Variants in MRE11 observed in about 807,000 individuals in gnomAD.
The protein encoded by MRE11 is MRE11 double strand break repair nuclease, also known as double-strand break repair protein MRE11.
Under a neutral mutation model 91.7 loss-of-function variants are expected in MRE11, and 62 were observed. The ratio of observed to expected loss-of-function variants is 0.68; its 90% CI spans 0.55 to 0.84. The LOEUF (loss-of-function observed/expected upper bound fraction) is 0.84. Ranked by LOEUF, MRE11 falls within the 40% of genes least tolerant of loss-of-function variation. MRE11 has a pLI of 0.00. For missense variants in MRE11, 796 were observed against 852.9 expected, an observed-to-expected ratio of 0.93 and a Z score of 0.83; for synonymous variants, 273 against 271.4, an observed-to-expected ratio of 1.01 and a Z score of -0.06.
At chr11:94,440,795 A>G (rs1945759622) in intron 16 of MRE11, among the ~76,000 whole-genome samples, 1 of 151,926 alleles carries the variant, frequency 6.6e-6, no homozygotes, top group South Asian at 2.1e-4. Flanking sequence ...CCTTTCCCCC[A>G]CTTTCTACTT....
intron 19 of MRE11, among the ~76,000 whole-genome samples, chr11:94,425,002 C>G (rs1014919116): frequency 1.3e-5 from 2 of 152,048 alleles, no homozygotes; most frequent in Admixed American, 6.6e-5. Flanking sequence ...ACAGAGAATT[C>G]CTATCAGACA....
intron 14 of MRE11, among the ~76,000 whole-genome samples, chr11:94,454,499 A>G (rs1946197842): frequency 6.6e-6 from 1 of 152,188 alleles, no homozygotes; most frequent in South Asian, 2.1e-4. Flanking sequence ...CAAAGCTGTG[A>G]ATTACAGCTT....
At chr11:94,445,710 C>A in intron 16 of MRE11, 100 bp downstream of exon 16, 1 of 900,048 alleles carries the variant, frequency 1.1e-6, no homozygotes, top group Non-Finnish European at 1.9e-6. Flanking sequence ...GCCCTTATAA[C>A]TTCCCAATGA....
chr11:94,491,539 T>C (rs1333371197), intron 2 of MRE11, among the ~76,000 whole-genome samples: 2 of 152,224 alleles, frequency 1.3e-5, no homozygotes, highest in African/African-American at 4.8e-5. Flanking sequence ...AGCAATGTAA[T>C]AGTTATTAAT....
Position 94,420,106 on chromosome 11 carries a change from C to G in MRE11, c.*19G>C, listed in dbSNP as rs2134732941. 6.5e-7 allele frequency: 1 copy of G among 1,536,370 alleles called. No homozygotes were observed. Among genetic ancestry groups the G allele is most frequent in the Non-Finnish European group, 9.0e-7 (1 of 1,114,358 alleles). ...CATTTTTCCTGTATCTTGCATGTTT[C>G]TCAGTGCCATTAAATATATTATCTT... On this transcript the variant is annotated 3_prime_UTR_variant, in exon 20 of 20. Coordinates refer to ENST00000323929, the MANE Select transcript of MRE11 (RefSeq NM_005591.4).
chr11:94,443,899 T>C (rs1472130356), intron 16 of MRE11, among the ~76,000 whole-genome samples: 2 of 150,180 alleles, frequency 1.3e-5, no homozygotes, highest in Non-Finnish European at 3.0e-5. Flanking sequence ...ATATCCTAAA[T>C]CCTAAGTTCC....
intron 7 of MRE11, among the ~76,000 whole-genome samples, chr11:94,472,314 C>G (rs181832158): frequency 6.6e-6 from 1 of 152,100 alleles, no homozygotes; most frequent in Admixed American, 6.6e-5. Context: ...TTTAAAGATA[C>G]ATGAAATGCA....
chr11:94,442,691 C>A (rs932355328), intron 16 of MRE11, among the ~76,000 whole-genome samples: 7 of 152,144 alleles, frequency 4.6e-5, no homozygotes, highest in African/African-American at 7.2e-5. Context: ...CTGTGCCAGG[C>A]TTTTTGATCA....
Position 94,424,820 on chromosome 11 carries a change from G to GA in MRE11, c.2071-4640dup, listed in dbSNP as rs60955623. On this transcript the variant is annotated intron_variant, in intron 19 of 19. Transcript: ENST00000323929. ...AAAGGAAAAAGAATGAAGAAGAATGGAAAAAAAAAACCTCTGAGAAATATG... is the reference window on the plus strand; with the variant it reads ...AAAGGAAAAAGAATGAAGAAGAATGGAAAAAAAAAAACCTCTGAGAAATATG... Among the ~76,000 whole-genome samples, 491 of 146,196 alleles carry GA rather than the reference G, an allele frequency of 3.4e-3. 3 individuals are homozygous for GA. Among genetic ancestry groups the GA allele is most frequent in the African/African-American group, 0.01 (418 of 39,862 alleles).
In MRE11 at chr11:94,471,588, T is replaced by C. The variant is rs1047206353; in HGVS notation, c.831A>G (p.Gly277=). 1.9e-6 allele frequency: 3 copies of C among 1,612,400 alleles called. No individual in the cohort carries two copies. In the African/African-American group the frequency reaches 4.0e-5, roughly 22 times the overall value. ...ATAACACTCACTTCTTTACAGCTTC[T>C]CCTGGGGAAAGAGAAGTAACCACTG... The part of the protein sequence containing the change: ...GSSVVTSLSP[G]EAVKKHVGLL... The change falls in exon 8 of 20, where the codon GGA becomes GGG. Residue 277 remains glycine, a synonymous_variant. Coordinates refer to ENST00000323929, the MANE Select transcript of MRE11 (RefSeq NM_005591.4).
Position 94,430,722 on chromosome 11 carries a change from G to A in MRE11, c.1995-736C>T, listed in dbSNP as rs13447724. 2.5e-3 allele frequency among the ~76,000 whole-genome samples: 378 copies of A among 152,128 alleles called. 1 individual carries two copies. The highest frequency in any genetic ancestry group is 8.8e-3 in the African/African-American group (363 of 41,484). ...TTGACCTCGTGATCCGCCCACCTCGGCCTCCCAAATGCTAGGATTACAGGC... is the reference window on the plus strand; with the variant it reads ...TTGACCTCGTGATCCGCCCACCTCGACCTCCCAAATGCTAGGATTACAGGC... On this transcript the variant is annotated intron_variant, in intron 18 of 19. Coordinates refer to ENST00000323929, the MANE Select transcript of MRE11 (RefSeq NM_005591.4).
intron 16 of MRE11, among the ~76,000 whole-genome samples, chr11:94,445,409 A>G (rs1487385674): frequency 3.9e-5 from 6 of 152,346 alleles, no homozygotes; most frequent in Admixed American, 2.6e-4. Flanking sequence ...TCCTGGGTTC[A>G]AGTGATTCTC....
chr11:94,447,490 T>C, intron 14 of MRE11, 52 bp from the exon 15 acceptor site: 6 of 1,534,966 alleles, frequency 3.9e-6, no homozygotes, highest in Non-Finnish European at 5.4e-6. Flanking sequence ...CGTACCATCC[T>C]AAAAATCATT....
At chr11:94,443,898 A>T in intron 16 of MRE11, among the ~76,000 whole-genome samples, 1 of 151,436 alleles carries the variant, frequency 6.6e-6, no homozygotes, top group South Asian at 2.1e-4. Flanking sequence ...GATATCCTAA[A>T]TCCTAAGTTC....
At chr11:94,467,778 A>C (rs1293607180) in intron 10 of MRE11, 35 bp downstream of exon 10, 1 of 1,527,666 alleles carries the variant, frequency 6.5e-7, no homozygotes. Flanking sequence ...TGCTTTGAAA[A>C]TTAATAATAT....
chr11:94,483,282 A>G (rs1018485808), intron 4 of MRE11, among the ~76,000 whole-genome samples: 1 of 152,148 alleles, frequency 6.6e-6, no homozygotes, highest in Non-Finnish European at 1.5e-5. Context: ...TGGGCAACAC[A>G]GTGAGACCCC....
chr11:94,491,029 T>C lies in MRE11; in HGVS notation c.21-64A>G, dbSNP rs903341988. 1.0e-5 allele frequency: 10 copies of C among 996,720 alleles called. No homozygotes were observed. In the African/African-American group the frequency reaches 1.1e-4, roughly 11 times the overall value. The allele number at this position is 996,720 out of a possible 1,614,324, so 61.7% of individuals were successfully genotyped here. ...ATTCATTAAAGGATATTCAAACAAA[T>C]TGAGACAAACTTATAAAATAAATAA... On this transcript the variant is annotated intron_variant, in intron 2 of 19. Coordinates refer to ENST00000323929, the MANE Select transcript of MRE11 (RefSeq NM_005591.4).
At chr11:94,433,543 G>A (rs561791974) in intron 18 of MRE11, among the ~76,000 whole-genome samples, 5 of 152,234 alleles carry the variant, frequency 3.3e-5, no homozygotes, top group Admixed American at 6.5e-5. Context: ...TGTAGCTCTC[G>A]TAACTCCTAA....
chr11:94,430,111 T>A, intron 18 of MRE11, 125 bp from the exon 19 acceptor site: 1 of 929,070 alleles, frequency 1.1e-6, no homozygotes, highest in Admixed American at 2.0e-5. Flanking sequence ...TCCCTTAAAA[T>A]CTACATTAGC....
Sources: gnomAD v4.1 joint callset for allele counts (sites outside exome capture counted in the v4.1 genomes callset) on GRCh38, gnomAD v4.1.1 for gene constraint, MANE v1.5 for transcripts, NCBI Gene and HGNC (gene_info 2026-07-23, HGNC 2026-07-21) for gene names.